CTNNA2: variants seen among roughly 807,000 people sequenced by gnomAD.
The protein encoded by CTNNA2 is catenin alpha-2.
CTNNA2 carries 42 observed loss-of-function variants against 101.0 expected under a neutral mutation model. The ratio of observed to expected loss-of-function variants is 0.42; its 90% CI spans 0.32 to 0.54. The LOEUF (loss-of-function observed/expected upper bound fraction) is 0.54, where lower values mean the gene tolerates loss of function less well. Among genes scored for constraint, CTNNA2 ranks in the 20% least tolerant of loss-of-function variants. CTNNA2 has a pLI of 0.14. For synonymous variants in CTNNA2, 450 were observed against 456.4 expected, an observed-to-expected ratio of 0.99 and a Z score of 0.18; for missense variants, 871 against 1,223.1, an observed-to-expected ratio of 0.71 and a Z score of 4.29.
chr2:79,508,336 T>C (rs1671457397), upstream of CTNNA2, among the ~76,000 whole-genome samples: 2 of 152,268 alleles, frequency 1.3e-5, no homozygotes, highest in Middle Eastern at 6.8e-3. Flanking sequence ...TATTCTTCCA[T>C]AGAGCAGATA....
chr2:79,801,000 C>T (rs1054211535), intron 3 of CTNNA2, among the ~76,000 whole-genome samples: 4 of 152,126 alleles, frequency 2.6e-5, no homozygotes, highest in Non-Finnish European at 5.9e-5. Flanking sequence ...GACATTTTAA[C>T]CCAGCAATAC....
intron 7 of CTNNA2, among the ~76,000 whole-genome samples, chr2:79,968,310 T>C (rs1690225121): frequency 6.6e-6 from 1 of 152,190 alleles, no homozygotes; most frequent in Non-Finnish European, 1.5e-5. Context: ...GAACCCAGGC[T>C]GACAGAGTAG....
chr2:80,003,350 C>A (rs1693096665), intron 7 of CTNNA2, among the ~76,000 whole-genome samples: 1 of 152,132 alleles, frequency 6.6e-6, no homozygotes, highest in Admixed American at 6.5e-5. Context: ...TAAACTCTGT[C>A]AGGTGTCAAG....
At chr2:80,034,355 T>TTTTC in intron 7 of CTNNA2, among the ~76,000 whole-genome samples, 1 of 21,702 alleles carries the variant, frequency 4.6e-5, no homozygotes, top group East Asian at 8.8e-3. Flanking sequence ...TTTTTTTTTC[T>TTTTC]TTTTTTTTTT....
intron 7 of CTNNA2, among the ~76,000 whole-genome samples, chr2:80,224,753 A>G (rs1423908184): frequency 1.3e-5 from 2 of 152,130 alleles, no homozygotes; most frequent in African/African-American, 2.4e-5. Context: ...CCACAGCTGC[A>G]TTTATTAATG....
intron 1 of CTNNA2, among the ~76,000 whole-genome samples, chr2:79,541,255 C>T (rs1401688584): frequency 6.6e-6 from 1 of 150,514 alleles, no homozygotes; most frequent in Non-Finnish European, 1.5e-5. Flanking sequence ...TTTTCAAATT[C>T]TTATTTTACA....
chr2:79,443,126 G>A (rs1488769489), intron 4 of CTNNA2, among the ~76,000 whole-genome samples: 1 of 152,076 alleles, frequency 6.6e-6, no homozygotes, highest in Non-Finnish European at 1.5e-5. Context: ...AGAACAAATA[G>A]AATATATAAA....
chr2:79,414,516 A>T (rs182661014), intron 4 of CTNNA2, among the ~76,000 whole-genome samples: 11 of 152,232 alleles, frequency 7.2e-5, no homozygotes, highest in Admixed American at 7.2e-4. Flanking sequence ...ATAAAATTCT[A>T]TAGTATAGAA....
intron 9 of CTNNA2, among the ~76,000 whole-genome samples, chr2:80,525,945 T>G: frequency 6.6e-6 from 1 of 152,316 alleles, no homozygotes; most frequent in East Asian, 1.9e-4. Context: ...AAAAGTAATT[T>G]CATTTTTTGC....
At chr2:80,406,883 T>C (rs1046982888) in intron 8 of CTNNA2, among the ~76,000 whole-genome samples, 2 of 150,682 alleles carry the variant, frequency 1.3e-5, no homozygotes, top group Admixed American at 6.6e-5. Context: ...CAAGTAGGCA[T>C]TGTGTCACAA....
intron 7 of CTNNA2, chr2:80,313,535 G>T (rs752886282): frequency 1.2e-6 from 2 of 1,607,362 alleles, no homozygotes; most frequent in South Asian, 1.1e-5. Flanking sequence ...GCAAGACCAG[G>T]TAGAGGAAGG....
intron 7 of CTNNA2, among the ~76,000 whole-genome samples, chr2:79,929,302 T>C (rs1379932747): frequency 6.6e-6 from 1 of 152,204 alleles, no homozygotes; most frequent in Non-Finnish European, 1.5e-5. Flanking sequence ...AGAGATGTTT[T>C]GATTAGAAAA....
At chr2:79,464,788 A>T (rs1670916065) in intron 4 of CTNNA2, among the ~76,000 whole-genome samples, 1 of 151,934 alleles carries the variant, frequency 6.6e-6, no homozygotes, top group South Asian at 2.1e-4. Context: ...TCTTCCTCTG[A>T]GAAGTGTCTG....
intron 7 of CTNNA2, among the ~76,000 whole-genome samples, chr2:80,220,949 T>A (rs1013526838): frequency 1.3e-5 from 2 of 152,164 alleles, no homozygotes; most frequent in Admixed American, 6.5e-5. Flanking sequence ...TGGCACAATC[T>A]CGGCTCACTG....
chr2:79,215,880 C>T lies in CTNNA2; in HGVS notation c.-406+17804C>T, dbSNP rs533394254. On this transcript the variant is annotated intron_variant, in intron 2 of 21. Coordinates refer to the CTNNA2 transcript ENST00000466387. Reference sequence around the variant, plus strand: ...GCTGAGGAAGAATTATGACCTAGCTCGGCCTTGCGAGGAAGGGAGAGGTCA... The same window carrying T: ...GCTGAGGAAGAATTATGACCTAGCTTGGCCTTGCGAGGAAGGGAGAGGTCA... Among the ~76,000 whole-genome samples, 286 of 152,000 alleles carry T rather than the reference C, an allele frequency of 1.9e-3. 1 individual carries two copies. Among genetic ancestry groups the T allele is most frequent in the African/African-American group, 6.5e-3 (268 of 41,444 alleles).
At chr2:79,879,409 C>A (rs954200481) in intron 6 of CTNNA2, among the ~76,000 whole-genome samples, 1 of 152,032 alleles carries the variant, frequency 6.6e-6, no homozygotes, top group Non-Finnish European at 1.5e-5. Context: ...TTACTCTGGG[C>A]AGTATGGCCA....
At chr2:79,402,307 T>A (rs939796971) in intron 4 of CTNNA2, among the ~76,000 whole-genome samples, 1 of 151,726 alleles carries the variant, frequency 6.6e-6, no homozygotes, top group African/African-American at 2.4e-5. Flanking sequence ...GAACTATTAA[T>A]ATAAACCTCA....
chr2:80,559,878 T>TATATCTATATATATATATATATATA (rs1693393440), intron 12 of CTNNA2, among the ~76,000 whole-genome samples: 1 of 113,936 alleles, frequency 8.8e-6, no homozygotes, highest in African/African-American at 3.0e-5. Context: ...GATATCATAT[T>TATATCTATATATATATATATATATA]TATATATATA....
At chr2:79,882,854 C>G (rs577284965) in intron 6 of CTNNA2, among the ~76,000 whole-genome samples, 15 of 152,186 alleles carry the variant, frequency 9.9e-5, no homozygotes, top group African/African-American at 3.4e-4. Flanking sequence ...TGGCGTCTTC[C>G]GATCCGTGGG....
Sources: allele counts gnomAD v4.1 joint callset (sites outside exome capture counted in the v4.1 genomes callset), GRCh38; gene constraint gnomAD v4.1.1; transcripts MANE v1.5; gene names NCBI Gene and HGNC (gene_info 2026-07-23, HGNC 2026-07-21).